MYH7B: variants seen among roughly 807,000 people sequenced by gnomAD.
MYH7B encodes myosin heavy chain 7B.
MYH7B carries 205 observed loss-of-function variants against 234.5 expected under a neutral mutation model. The ratio of observed to expected loss-of-function variants is 0.87; its 90% CI spans 0.78 to 0.98. MYH7B has a LOEUF of 0.98. Ranked by LOEUF, MYH7B falls within the 50% of genes least tolerant of loss-of-function variation. The pLI, the probability that MYH7B is intolerant of heterozygous loss-of-function variation, is 0.00. For synonymous variants in MYH7B, 1,193 were observed against 1,105.0 expected (o/e 1.08, Z -1.58); for missense variants, 2,652 against 2,633.4 (o/e 1.01, Z -0.15).
exon 18 of MYH7B, chr20:34,987,893 C>T (rs770877069): frequency 6.9e-6 from 11 of 1,605,142 alleles, no homozygotes; most frequent in East Asian, 2.2e-5. Context: ...TTCTGGACAT[C>T]GCTGGGTTTG....
At position 34,987,975 on chromosome 20, in the gene MYH7B, G is replaced by A. The variant is rs540457548; in HGVS notation, c.1416+61G>A. ...CCAAGGTAGAGGACATGGGCCTGTG[G>A]GGGGGCAGAAGCCCTGGCCTTCTGC... On this transcript the variant is annotated intron_variant, in intron 18 of 44. Transcript: ENST00000262873. The A allele has an allele frequency of 7.1e-6, 11 of 1,557,480 alleles. No homozygotes were observed. The East Asian group carries it at 1.8e-4, about 25-fold the overall frequency.
chr20:34,992,499 G>A (rs948044729), intron 24 of MYH7B, among the ~76,000 whole-genome samples: 7 of 150,528 alleles, frequency 4.7e-5, no homozygotes, highest in Non-Finnish European at 1.0e-4. Flanking sequence ...AATAGTGCAT[G>A]CCTTCTGTAA....
chr20:34,972,593 C>T (rs2081802995), intron 2 of MYH7B, among the ~76,000 whole-genome samples: 1 of 151,860 alleles, frequency 6.6e-6, no homozygotes, highest in African/African-American at 2.4e-5. Context: ...AGGGAAGGAA[C>T]CTTGTTGCCA....
At position 34,996,272 on chromosome 20, in the gene MYH7B, T is replaced by C. The variant is rs553792328; in HGVS notation, c.2944-74T>C. ...CCATAGCTGGAAGGGGCACTTGCTC[T>C]GACCTGGTGTGGTGTGGTGGCCGCT... On this transcript the variant is annotated intron_variant, in intron 28 of 44. Transcript: ENST00000262873. 1.2e-5 allele frequency: 18 copies of C among 1,503,912 alleles called. No homozygotes were observed. In the East Asian group the frequency reaches 4.2e-4, roughly 35 times the overall value. The allele number at this position is 1,503,912 out of a possible 1,614,324, so 93.2% of individuals were successfully genotyped here.
chr20:34,976,691 A>G (rs867686124), intron 3 of MYH7B, among the ~76,000 whole-genome samples: 4 of 152,286 alleles, frequency 2.6e-5, no homozygotes, highest in East Asian at 1.9e-4. Flanking sequence ...CCTTGATTCT[A>G]TAAGTTCCAG....
intron 14 of MYH7B, 77 bp from the exon 15 acceptor site, chr20:34,986,809 C>A (rs2082032742): frequency 2.4e-6 from 3 of 1,238,690 alleles, no homozygotes; most frequent in East Asian, 2.3e-5. Context: ...CCGCAGGACC[C>A]CCTATGCTGC....
intron 4 of MYH7B, 125 bp downstream of exon 4, chr20:34,977,805 G>GCCC: frequency 2.1e-5 from 31 of 1,499,996 alleles, no homozygotes; most frequent in Non-Finnish European, 2.9e-5. Flanking sequence ...GTGTTTGAGG[G>GCCC]TGTGCATGTA....
intron 19 of MYH7B, among the ~76,000 whole-genome samples, chr20:34,989,209 T>C (rs2082093040): frequency 6.6e-6 from 1 of 152,254 alleles, no homozygotes; most frequent in African/African-American, 2.4e-5. Context: ...GTTCATGCAG[T>C]GGATGAGTTT....
At chr20:34,964,922 T>C (rs989982799) in intron 2 of MYH7B, among the ~76,000 whole-genome samples, 5 of 152,236 alleles carry the variant, frequency 3.3e-5, no homozygotes, top group African/African-American at 1.2e-4. Context: ...GGAGATGGTC[T>C]TAATGATAAT....
chr20:34,956,900 CAAG>C (rs1345102765), intron 1 of MYH7B, among the ~76,000 whole-genome samples: 11 of 152,248 alleles, frequency 7.2e-5, no homozygotes, highest in African/African-American at 2.6e-4. Context: ...ACTAGAAATA[CAAG>C]AATTAGCCGG....
exon 32 of MYH7B, chr20:34,997,502 G>A (rs781726063): frequency 6.3e-7 from 1 of 1,580,514 alleles, no homozygotes; most frequent in South Asian, 1.1e-5. Context: ...GGCGCAAGCA[G>A]GCGGAGGGCG....
exon 42 of MYH7B, chr20:35,001,284 A>G (rs114205213): frequency 1.2e-6 from 2 of 1,612,876 alleles, no homozygotes; most frequent in Non-Finnish European, 1.7e-6. Flanking sequence ...AGAGCAGAAG[A>G]AGCACGCCGA....
At chr20:34,990,244 C>T (rs1002631481) in exon 22 of MYH7B, 5 of 1,614,170 alleles carry the variant, frequency 3.1e-6, no homozygotes, top group Non-Finnish European at 4.2e-6. Context: ...CTGAGCCCCC[C>T]AAGTCTGGGG....
At chr20:35,000,052 A>T (rs1171854190) in intron 38 of MYH7B, 146 bp downstream of exon 38, 1 of 937,696 alleles carries the variant, frequency 1.1e-6, no homozygotes, top group Non-Finnish European at 1.6e-6. Context: ...CGGAGATGCT[A>T]AAGGACTTGC....
chr20:34,985,966 C>T, intron 13 of MYH7B, 134 bp from the exon 14 acceptor site: 1 of 720,318 alleles, frequency 1.4e-6, no homozygotes, highest in Non-Finnish European at 2.4e-6. Flanking sequence ...GATACCCTCC[C>T]CACACAAGCT....
In MYH7B at chr20:34,977,643, G is replaced by A. The variant is rs775402413; in HGVS notation, c.-110G>A. Reference sequence around the variant, plus strand: ...TCTGACCTTGACAGTGGCAATAAAAGGGGTAGCAGAGCTTCCTGCCCTCAC... The same window carrying A: ...TCTGACCTTGACAGTGGCAATAAAAAGGGTAGCAGAGCTTCCTGCCCTCAC... On this transcript the variant is annotated 5_prime_UTR_variant, in exon 4 of 45. Coordinates refer to ENST00000262873, the Ensembl canonical transcript of MYH7B. 3.2e-6 allele frequency: 5 copies of A among 1,583,240 alleles called. No individual in the cohort carries two copies. In the African/African-American group the frequency reaches 5.4e-5, roughly 17 times the overall value.
intron 4 of MYH7B, 124 bp from the exon 5 acceptor site, chr20:34,977,810 C>A: frequency 6.7e-7 from 1 of 1,494,460 alleles, no homozygotes; most frequent in Non-Finnish European, 9.3e-7. Flanking sequence ...TGAGGGTGTG[C>A]ATGTATGCTG....
intron 1 of MYH7B, among the ~76,000 whole-genome samples, chr20:34,956,916 G>A (rs2081642614): frequency 6.6e-6 from 1 of 152,224 alleles, no homozygotes; most frequent in African/African-American, 2.4e-5. Context: ...TTAGCCGGGT[G>A]TGTTGGCCCG....
exon 32 of MYH7B, chr20:34,997,403 C>G: frequency 1.3e-6 from 2 of 1,482,178 alleles, no homozygotes; most frequent in Non-Finnish European, 1.8e-6. Flanking sequence ...AGCGCGAGGG[C>G]TGCCGCAAGC....
Sources: allele counts gnomAD v4.1 joint callset (sites outside exome capture counted in the v4.1 genomes callset), GRCh38; gene constraint gnomAD v4.1.1; transcripts MANE v1.5; gene names NCBI Gene and HGNC (gene_info 2026-07-23, HGNC 2026-07-21).